TMEM132B: variants seen among roughly 807,000 people sequenced by gnomAD.
TMEM132B encodes transmembrane protein 132B.
TMEM132B carries 18 observed loss-of-function variants against 90.8 expected under a neutral mutation model. That is an observed-to-expected ratio of 0.20 (90% CI 0.14 to 0.29). The LOEUF is 0.29. Ranked by LOEUF, TMEM132B falls within the 10% of genes least tolerant of loss-of-function variation. The pLI, the probability that TMEM132B is intolerant of heterozygous loss-of-function variation, is 1.00. For synonymous variants in TMEM132B, 504 were observed against 523.3 expected, an observed-to-expected ratio of 0.96 and a Z score of 0.50; for missense variants, 1,096 against 1,326.8, an observed-to-expected ratio of 0.83 and a Z score of 2.70.
At chr12:125,229,764 A>C (rs1041736915) in intron 1 of TMEM132B, among the ~76,000 whole-genome samples, 2 of 152,210 alleles carry the variant, frequency 1.3e-5, no homozygotes, top group Admixed American at 1.3e-4. Context: ...GTGTTTCTGC[A>C]CAGGTTTTCC....
chr12:125,458,738 G>A lies in TMEM132B; in HGVS notation c.1106+43061G>A, dbSNP rs1881361115. Among the ~76,000 whole-genome samples the A allele has an allele frequency of 6.6e-6, 1 of 152,194 alleles. No homozygotes were observed. The highest frequency in any genetic ancestry group is 2.1e-4 in the South Asian group (1 of 4,834). On this transcript the variant is annotated intron_variant, in intron 3 of 8. Transcript: ENST00000682704. The surrounding 1 kb of genome is among the most constrained non-coding windows in gnomAD (Gnocchi z 4.9). ...GCCTGCACTGCTGTCACACTGGGTGGTGTTGTCAGGGTGACTCACGTGGAC... is the reference window on the plus strand; with the variant it reads ...GCCTGCACTGCTGTCACACTGGGTGATGTTGTCAGGGTGACTCACGTGGAC...
intron 3 of TMEM132B, among the ~76,000 whole-genome samples, chr12:125,432,477 GTATATATA>G (rs1191277483): frequency 1.5e-5 from 1 of 66,352 alleles, no homozygotes; most frequent in African/African-American, 8.6e-5. Context: ...ATATGTATGT[GTATATATA>G]TGTATGTGTA....
chr12:125,520,782 T>C (rs1883288039), intron 4 of TMEM132B, among the ~76,000 whole-genome samples: 1 of 152,230 alleles, frequency 6.6e-6, no homozygotes, highest in African/African-American at 2.4e-5. Context: ...AGGGTTATCC[T>C]GGTCAGTTGT....
chr12:125,373,572 C>G (rs928485762), intron 2 of TMEM132B, among the ~76,000 whole-genome samples: 31 of 152,252 alleles, frequency 2.0e-4, no homozygotes, highest in African/African-American at 7.5e-4. Context: ...TAAGGCGCCC[C>G]CAGTCTACGG....
intron 2 of TMEM132B, among the ~76,000 whole-genome samples, chr12:125,380,804 T>C (rs1237554878): frequency 2.6e-5 from 4 of 152,082 alleles, no homozygotes; most frequent in Non-Finnish European, 5.9e-5. Context: ...GCTTAATGAG[T>C]CCTCTGTGGT....
At chr12:125,227,276 A>G (rs1295846546) in intron 1 of TMEM132B, among the ~76,000 whole-genome samples, 1 of 152,224 alleles carries the variant, frequency 6.6e-6, no homozygotes. Flanking sequence ...GTCTTGTGGC[A>G]GGAAGCACTT....
chr12:125,432,511 G>GTATATATATATATATA (rs746916124), intron 3 of TMEM132B, among the ~76,000 whole-genome samples: 1 of 18,554 alleles, frequency 5.4e-5, no homozygotes, highest in African/African-American at 3.2e-4. Context: ...ATGTGTGTGT[G>GTATATATATATATATA]TATATATATA....
intron 2 of TMEM132B, among the ~76,000 whole-genome samples, chr12:125,394,705 T>A (rs1879122792): frequency 6.6e-6 from 1 of 152,232 alleles, no homozygotes; most frequent in South Asian, 2.1e-4. Flanking sequence ...AATCTGGGAC[T>A]TGGAAGAAAG....
At chr12:125,569,445 G>A (rs1884738354) in intron 4 of TMEM132B, among the ~76,000 whole-genome samples, 1 of 152,130 alleles carries the variant, frequency 6.6e-6, no homozygotes, top group Admixed American at 6.5e-5. Flanking sequence ...TGAGGGATGG[G>A]CTTAAGATCT....
chr12:125,269,767 C>G (rs10744198), intron 1 of TMEM132B, among the ~76,000 whole-genome samples: 52,278 of 151,878 alleles, frequency 0.34, 9,218 homozygotes, highest in East Asian at 0.5. Context: ...GTATTTCCCT[C>G]TCATATACAA....
At chr12:125,567,975 C>G (rs1488460725) in intron 4 of TMEM132B, among the ~76,000 whole-genome samples, 1 of 152,166 alleles carries the variant, frequency 6.6e-6, no homozygotes, top group Non-Finnish European at 1.5e-5. Flanking sequence ...GGAAGGACAC[C>G]TCGGAGCCAG....
intron 1 of TMEM132B, among the ~76,000 whole-genome samples, chr12:125,258,929 G>A (rs1327165853): frequency 1.3e-5 from 2 of 152,192 alleles, no homozygotes; most frequent in Admixed American, 1.3e-4. Context: ...CAGAGAAAGA[G>A]TGATCCAGGC....
intron 6 of TMEM132B, among the ~76,000 whole-genome samples, chr12:125,647,089 G>A (rs1041448117): frequency 1.3e-5 from 2 of 152,172 alleles, no homozygotes; most frequent in African/African-American, 4.8e-5. Flanking sequence ...AATAGGCTCG[G>A]CAGTACAGTG....
At position 125,447,853 on chromosome 12, in the gene TMEM132B, G is replaced by A. The variant is rs201864795; in HGVS notation, c.1106+32176G>A. 7.2e-5 allele frequency among the ~76,000 whole-genome samples: 11 copies of A among 152,296 alleles called. No homozygotes were observed. The East Asian group carries it at 1.5e-3, about 21-fold the overall frequency. ...TTCTGGCTTACATTGTCTCTGTTGA[G>A]AAGTTGCTGTCAGTCTATTTTTACT... On this transcript the variant is annotated intron_variant, in intron 3 of 8. Coordinates refer to ENST00000682704, the MANE Select transcript of TMEM132B (RefSeq NM_001366854.1).
At chr12:125,353,980 A>G (rs1020142233) in intron 2 of TMEM132B, among the ~76,000 whole-genome samples, 15 of 152,180 alleles carry the variant, frequency 9.9e-5, no homozygotes, top group Admixed American at 9.2e-4. Flanking sequence ...AAATCAAGCA[A>G]TGAACTGTCA....
chr12:125,202,329 C>T (rs1034382000), intron 1 of TMEM132B, among the ~76,000 whole-genome samples: 2 of 152,246 alleles, frequency 1.3e-5, no homozygotes, highest in Admixed American at 6.5e-5. Context: ...TGTTATCTCA[C>T]AGTTCCTGTG....
chr12:125,281,792 G>A (rs1875185192), intron 1 of TMEM132B, among the ~76,000 whole-genome samples: 2 of 152,010 alleles, frequency 1.3e-5, no homozygotes, highest in African/African-American at 4.8e-5. Context: ...ACTTTGGGAG[G>A]CCGAGGTGGG....
chr12:125,203,491 A>G (rs999731656), intron 1 of TMEM132B, among the ~76,000 whole-genome samples: 4 of 152,240 alleles, frequency 2.6e-5, no homozygotes, highest in Non-Finnish European at 5.9e-5. Flanking sequence ...TTAACATTTT[A>G]TATGTTAATT....
intron 4 of TMEM132B, among the ~76,000 whole-genome samples, chr12:125,563,152 A>AATC (rs1469263583): frequency 1.5e-4 from 17 of 115,392 alleles, no homozygotes; most frequent in African/African-American, 5.0e-4. Context: ...AATGCGTAAT[A>AATC]ATAATAATAA....
Sources: gnomAD v4.1 joint callset for allele counts (sites outside exome capture counted in the v4.1 genomes callset) on GRCh38, gnomAD v4.1.1 for gene constraint, Gnocchi (gnomAD v3.1) non-coding constraint, MANE v1.5 for transcripts, NCBI Gene and HGNC (gene_info 2026-07-23, HGNC 2026-07-21) for gene names.